CTNNA3: variants seen among roughly 807,000 people sequenced by gnomAD.
The protein encoded by CTNNA3 is catenin alpha 3.
CTNNA3 carries 76 observed loss-of-function variants against 95.7 expected under a neutral mutation model. The observed-to-expected ratio is 0.79, with a 90% CI of 0.66 to 0.96. CTNNA3 has a LOEUF of 0.96. CTNNA3 is among the 40% of genes least tolerant of loss of function. The pLI is 0.00. For synonymous variants in CTNNA3, 431 were observed against 374.4 expected (o/e 1.15, Z -1.74); for missense variants, 1,191 against 1,089.8 (o/e 1.09, Z -1.31).
chr10:67,274,883 T>G (rs1300197598), intron 5 of CTNNA3, among the ~76,000 whole-genome samples: 1 of 152,096 alleles, frequency 6.6e-6, no homozygotes, highest in Non-Finnish European at 1.5e-5. Flanking sequence ...TTGAACAACA[T>G]GATTATTATT....
chr10:66,254,074 C>T (rs949276395), intron 13 of CTNNA3, among the ~76,000 whole-genome samples: 1 of 152,120 alleles, frequency 6.6e-6, no homozygotes, highest in Non-Finnish European at 1.5e-5. Context: ...CCTATATGGT[C>T]CAGGAAAGCC....
intron 17 of CTNNA3, among the ~76,000 whole-genome samples, chr10:65,926,754 G>A (rs2077174515): frequency 1.3e-5 from 2 of 152,128 alleles, no homozygotes; most frequent in South Asian, 4.1e-4. Flanking sequence ...GGGATTACAG[G>A]CTTGAGTCTT....
chr10:67,544,065 A>G (rs1452004602), intron 3 of CTNNA3, among the ~76,000 whole-genome samples: 1 of 152,214 alleles, frequency 6.6e-6, no homozygotes, highest in Admixed American at 6.5e-5. Flanking sequence ...AAAGCTAGCC[A>G]CTGCTGTGTG....
chr10:67,719,896 G>A (rs1564839790), intron 1 of CTNNA3, among the ~76,000 whole-genome samples: 1 of 151,862 alleles, frequency 6.6e-6, no homozygotes, highest in East Asian at 1.9e-4. Context: ...TATTGACAGT[G>A]GGGTGTTAGA....
At chr10:66,189,104 C>T (rs1427271420) in intron 13 of CTNNA3, among the ~76,000 whole-genome samples, 2 of 151,734 alleles carry the variant, frequency 1.3e-5, no homozygotes, top group African/African-American at 2.4e-5. Context: ...TTGGATAATT[C>T]CCATATATAT....
intron 7 of CTNNA3, among the ~76,000 whole-genome samples, chr10:66,799,616 G>A (rs1325482560): frequency 6.6e-6 from 1 of 151,468 alleles, no homozygotes; most frequent in Non-Finnish European, 1.5e-5. Flanking sequence ...AGAAATGTGG[G>A]ACACGGTCAA....
At chr10:66,383,546 C>A (rs966129934) in intron 11 of CTNNA3, among the ~76,000 whole-genome samples, 26 of 152,170 alleles carry the variant, frequency 1.7e-4, no homozygotes, top group African/African-American at 6.3e-4. Flanking sequence ...AGGAGAACTT[C>A]CCCAACCTAG....
chr10:67,579,379 C>A (rs1036469886), intron 3 of CTNNA3, among the ~76,000 whole-genome samples: 2 of 152,028 alleles, frequency 1.3e-5, no homozygotes, highest in Non-Finnish European at 2.9e-5. Context: ...CAAAGGACAT[C>A]AACCCATCCT....
At chr10:67,751,144 C>T in intron 1 of CTNNA3, 1 of 1,314,708 alleles carries the variant, frequency 7.6e-7, no homozygotes, top group Non-Finnish European at 1.1e-6. Flanking sequence ...GAGATGGCAA[C>T]CACACTCAGC....
At chr10:67,116,854 C>T (rs954896614) in intron 7 of CTNNA3, among the ~76,000 whole-genome samples, 1 of 151,172 alleles carries the variant, frequency 6.6e-6, no homozygotes, top group Non-Finnish European at 1.5e-5. Flanking sequence ...TGTATAAACA[C>T]ACATGTATAT....
intron 13 of CTNNA3, among the ~76,000 whole-genome samples, chr10:66,153,711 G>C (rs968994680): frequency 6.6e-6 from 1 of 151,842 alleles, no homozygotes; most frequent in African/African-American, 2.4e-5. Flanking sequence ...CTACCACAGT[G>C]TTAGTTATTT....
At chr10:67,306,141 G>A (rs57649397) in intron 5 of CTNNA3, among the ~76,000 whole-genome samples, 8,303 of 152,144 alleles carry the variant, frequency 0.055, 739 homozygotes, top group African/African-American at 0.19. Context: ...TTAACAGTCA[G>A]GGATAGAAAG....
intron 2 of CTNNA3, among the ~76,000 whole-genome samples, chr10:67,609,696 T>C (rs768534261): frequency 1.3e-5 from 2 of 152,174 alleles, no homozygotes; most frequent in African/African-American, 2.4e-5. Flanking sequence ...TTTTGGAAAA[T>C]GCATAATATG....
intron 5 of CTNNA3, among the ~76,000 whole-genome samples, chr10:67,250,854 T>A (rs1866081318): frequency 6.6e-6 from 1 of 152,098 alleles, no homozygotes; most frequent in South Asian, 2.1e-4. Flanking sequence ...GTGGAGGAAA[T>A]AAAACTTTCA....
At chr10:66,892,264 G>A (rs897220276) in intron 7 of CTNNA3, among the ~76,000 whole-genome samples, 6 of 152,038 alleles carry the variant, frequency 3.9e-5, no homozygotes, top group African/African-American at 1.4e-4. Context: ...TACGGACGAT[G>A]TCAAAATGCA....
chr10:67,172,993 T>C (rs908325030), intron 7 of CTNNA3, among the ~76,000 whole-genome samples: 1 of 147,486 alleles, frequency 6.8e-6, no homozygotes. Context: ...AAAAAAAAAA[T>C]GTATCCCGGT....
At chr10:67,219,380 T>G (rs1413863929) in intron 6 of CTNNA3, among the ~76,000 whole-genome samples, 2 of 152,166 alleles carry the variant, frequency 1.3e-5, no homozygotes, top group African/African-American at 4.8e-5. Flanking sequence ...CAATCCCACT[T>G]CAAATTCATT....
At chr10:66,181,811 C>A (rs2086052959) in intron 13 of CTNNA3, among the ~76,000 whole-genome samples, 1 of 152,086 alleles carries the variant, frequency 6.6e-6, no homozygotes, top group South Asian at 2.1e-4. Flanking sequence ...AATTATAGTT[C>A]TTTGACATAC....
At chr10:66,949,039 G>A (rs981728555) in intron 7 of CTNNA3, among the ~76,000 whole-genome samples, 5 of 152,058 alleles carry the variant, frequency 3.3e-5, no homozygotes, top group African/African-American at 1.2e-4. Context: ...ATGTAATCTT[G>A]CAAACAAATA....
Sources: gnomAD v4.1 joint callset for allele counts (sites outside exome capture counted in the v4.1 genomes callset) on GRCh38, gnomAD v4.1.1 for gene constraint, MANE v1.5 for transcripts, NCBI Gene and HGNC (gene_info 2026-07-23, HGNC 2026-07-21) for gene names.